Variants in RTF1 observed in about 807,000 individuals in gnomAD.
The protein encoded by RTF1 is RNA polymerase-associated protein RTF1 homolog.
Under a neutral mutation model 95.7 loss-of-function variants are expected in RTF1, and 10 were observed. The observed-to-expected ratio is 0.10, with a 90% CI of 0.06 to 0.18. RTF1 has a LOEUF of 0.18. Ranked by LOEUF, RTF1 falls within the 10% of genes least tolerant of loss-of-function variation. RTF1 has a pLI of 1.00. For synonymous variants in RTF1, 305 were observed against 311.8 expected, an observed-to-expected ratio of 0.98 and a Z score of 0.23; for missense variants, 458 against 875.6, an observed-to-expected ratio of 0.52 and a Z score of 6.02.
chr15:41,420,040 C>T (rs563461552), intron 1 of RTF1, among the ~76,000 whole-genome samples: 5 of 152,160 alleles, frequency 3.3e-5, no homozygotes, highest in South Asian at 2.1e-4. Flanking sequence ...AGGCTGGTTT[C>T]GAACTCCTGA....
At chr15:41,436,280 T>C (rs1595427621) in intron 1 of RTF1, among the ~76,000 whole-genome samples, 1 of 135,810 alleles carries the variant, frequency 7.4e-6, no homozygotes, top group Non-Finnish European at 1.6e-5. Flanking sequence ...TGAAATCCCG[T>C]CTCTACTAAA....
intron 4 of RTF1, among the ~76,000 whole-genome samples, chr15:41,463,731 C>T (rs1289975957): frequency 1.3e-5 from 2 of 152,200 alleles, no homozygotes; most frequent in African/African-American, 4.8e-5. Context: ...ATCCTCCTGC[C>T]TTGGCCTCCC....
At chr15:41,432,420 A>G (rs140478155) in intron 1 of RTF1, among the ~76,000 whole-genome samples, 2,100 of 150,388 alleles carry the variant, frequency 0.014, 61 homozygotes, top group African/African-American at 0.05. Flanking sequence ...GTTGGTCTTG[A>G]TCTCCTGACC....
At chr15:41,424,408 A>G (rs1028680542) in intron 1 of RTF1, among the ~76,000 whole-genome samples, 5 of 152,178 alleles carry the variant, frequency 3.3e-5, no homozygotes, top group African/African-American at 1.2e-4. Context: ...GAAATGAGAC[A>G]GGAAGGACCT....
In RTF1 at chr15:41,457,699, G is replaced by A. The variant is rs759918448; in HGVS notation, c.485G>A (p.Ser162Asn). ...EGEVSDSDSN[S>N]SSSSSDSDSS... is the part of the protein sequence containing the mutation. ...GAAGTGTCAGACTCTGACAGCAACA[G>A]CTCCTCTTCCAGTTCAGATTCAGAC... The change falls in exon 4 of 18, where the codon AGC becomes AAC. Residue 162 changes from serine (S) to asparagine (N), a missense_variant. Physicochemically the swap from Ser to Asn is conservative, Grantham distance 46. Around this residue, in one of 11 missense-constraint regions of RTF1, gnomAD observed 15 missense variants for 28.4 expected, o/e 0.53. Coordinates refer to ENST00000389629, the MANE Select transcript of RTF1 (RefSeq NM_015138.5). The A allele has an allele frequency of 6.2e-7, 1 of 1,614,128 alleles. No individual in the cohort carries two copies. The highest frequency in any genetic ancestry group is 8.5e-7 in the Non-Finnish European group (1 of 1,180,018).
Position 41,475,830 on chromosome 15 carries a change from T to C in RTF1, c.1482+11T>C. 1 of 1,413,312 alleles carries C rather than the reference T, an allele frequency of 7.1e-7. No individual in the cohort carries two copies. The highest frequency in any genetic ancestry group is 9.9e-7 in the Non-Finnish European group (1 of 1,014,732). The allele number at this position is 1,413,312 out of a possible 1,614,324, so 87.5% of individuals were successfully genotyped here. ...CAGGACATTGAAGAGGTAAGAAAAC[T>C]GGTGCCCCAGAACCCGGAGGTTCAT... On this transcript the variant is annotated intron_variant, in intron 11 of 17. Transcript: ENST00000389629.
At chr15:41,472,040 A>G (rs918381781) in intron 8 of RTF1, among the ~76,000 whole-genome samples, 1 of 151,304 alleles carries the variant, frequency 6.6e-6, no homozygotes, top group Non-Finnish European at 1.5e-5. Flanking sequence ...CTGGGACTAC[A>G]GGCGCATGCC....
chr15:41,475,692 G>T lies in RTF1; in HGVS notation c.1375-20G>T. 1 of 1,600,060 alleles carries T rather than the reference G, an allele frequency of 6.2e-7. No individual in the cohort carries two copies. The highest frequency in any genetic ancestry group is 8.6e-7 in the Non-Finnish European group (1 of 1,167,494). On this transcript the variant is annotated intron_variant, in intron 10 of 17. Coordinates refer to ENST00000389629, the MANE Select transcript of RTF1 (RefSeq NM_015138.5). ...TCCAAAATCCCTTACTAATAATCTC[G>T]TATCGTGTTTTTGATCCAGATGTTC...
intron 7 of RTF1, 136 bp from the exon 8 acceptor site, chr15:41,471,036 G>T (rs1245947377): frequency 4.1e-6 from 3 of 740,718 alleles, no homozygotes; most frequent in Non-Finnish European, 6.5e-6. Flanking sequence ...ACAAGTCTTT[G>T]CTGGTGCTTC....
In RTF1 at chr15:41,466,269, T is replaced by C; in HGVS notation, c.889+17T>C. ...ACAGAACAGGTAAGCGAGGGAAATA[T>C]AATGGCTACTTGTGTCTTTATATGA... On this transcript the variant is annotated intron_variant, in intron 6 of 17. Transcript: ENST00000389629. 1.4e-6 allele frequency: 2 copies of C among 1,474,466 alleles called. No individual in the cohort carries two copies. Among genetic ancestry groups the C allele is most frequent in the Admixed American group, 2.4e-5 (1 of 41,134 alleles). 91.3% of individuals were successfully genotyped at this position (1,474,466 alleles called of 1,614,324 possible). A position where few individuals can be genotyped will look rare whatever the true frequency, so the allele number is the denominator to read the frequency against.
At chr15:41,459,342 C>G (rs1256071376) in intron 4 of RTF1, among the ~76,000 whole-genome samples, 1 of 152,134 alleles carries the variant, frequency 6.6e-6, no homozygotes, top group Admixed American at 6.6e-5. Context: ...CACCACTGCA[C>G]TCCAGCCTGG....
intron 1 of RTF1, among the ~76,000 whole-genome samples, chr15:41,423,429 A>G (rs894932449): frequency 6.6e-6 from 1 of 150,532 alleles, no homozygotes; most frequent in Non-Finnish European, 1.5e-5. Flanking sequence ...CTGGAGAGCA[A>G]TGGCACGCTG....
intron 1 of RTF1, among the ~76,000 whole-genome samples, chr15:41,422,616 A>C (rs960745452): frequency 1.3e-5 from 2 of 152,220 alleles, no homozygotes; most frequent in Non-Finnish European, 2.9e-5. Context: ...CCTTTCTAAA[A>C]AACTAAAAAT....
chr15:41,432,483 C>G (rs528707637), intron 1 of RTF1, among the ~76,000 whole-genome samples: 1 of 151,902 alleles, frequency 6.6e-6, no homozygotes, highest in African/African-American at 2.4e-5. Context: ...AGGCGTGAGC[C>G]ACTGCGCCCG....
rs547390924 is a variant in RTF1, at chr15:41,471,590, C to T, written c.1203+241C>T. Among the ~76,000 whole-genome samples the T allele has an allele frequency of 4.6e-5, 7 of 152,274 alleles. No homozygotes were observed. In the South Asian group the frequency reaches 1.2e-3, roughly 27 times the overall value. ...GATGTAGAATAATTTTCTCTATTCTCCCTTCAGTATAAAAGGGAGAAGGGA... is the reference window on the plus strand; with the variant it reads ...GATGTAGAATAATTTTCTCTATTCTTCCTTCAGTATAAAAGGGAGAAGGGA... On this transcript the variant is annotated intron_variant, in intron 8 of 17. Coordinates refer to ENST00000389629, the MANE Select transcript of RTF1 (RefSeq NM_015138.5).
In RTF1 at chr15:41,441,217, C is replaced by T. The variant is rs192412958; in HGVS notation, c.309+2786C>T. 9.4e-4 allele frequency among the ~76,000 whole-genome samples: 143 copies of T among 152,050 alleles called. No homozygotes were observed. The East Asian group carries it at 0.019, about 20-fold the overall frequency. On this transcript the variant is annotated intron_variant, in intron 2 of 17. Coordinates refer to ENST00000389629, the MANE Select transcript of RTF1 (RefSeq NM_015138.5). ...CTATCTCCTGACCTTGTGATCCGCC[C>T]GCCTCGGCCTCCCAAAGTGCTGGGA...
At chr15:41,430,003 T>TTTC (rs1295860078) in intron 1 of RTF1, among the ~76,000 whole-genome samples, 5 of 148,992 alleles carry the variant, frequency 3.4e-5, no homozygotes, top group African/African-American at 4.9e-5. Flanking sequence ...TATTTTATTT[T>TTTC]TTCTTTTCTT....
At chr15:41,463,968 C>A (rs1277246201) in intron 4 of RTF1, among the ~76,000 whole-genome samples, 1 of 151,772 alleles carries the variant, frequency 6.6e-6, no homozygotes, top group Non-Finnish European at 1.5e-5. Context: ...TCTTCTGCCT[C>A]AGCCTCCCGA....
At position 41,472,936 on chromosome 15, in the gene RTF1, C is replaced by T. The variant is rs575284762; in HGVS notation, c.1203+1587C>T. On this transcript the variant is annotated intron_variant, in intron 8 of 17. Coordinates refer to ENST00000389629, the MANE Select transcript of RTF1 (RefSeq NM_015138.5). ...CAGGATGGTCTTGATCTCCTAACCTCGTGATCCGCCCGCCTCGGCCTCCCA... is the reference window on the plus strand; with the variant it reads ...CAGGATGGTCTTGATCTCCTAACCTTGTGATCCGCCCGCCTCGGCCTCCCA... Among the ~76,000 whole-genome samples, 57 of 151,452 alleles carry T rather than the reference C, an allele frequency of 3.8e-4. 2 individuals carry two copies. The South Asian group carries it at 0.011, about 29-fold the overall frequency.
Sources: gnomAD v4.1 joint callset for allele counts (sites outside exome capture counted in the v4.1 genomes callset) on GRCh38, gnomAD v4.1.1 for gene constraint, gnomAD v4.1.1 regional missense constraint, MANE v1.5 for transcripts, NCBI Gene and HGNC (gene_info 2026-07-23, HGNC 2026-07-21) for gene names.